HSPA4L: variants seen among roughly 807,000 people sequenced by gnomAD.
HSPA4L encodes the protein heat shock protein family A (Hsp70) member 4 like, also known as heat shock 70 kDa protein 4L.
A neutral mutation model predicts 100.3 loss-of-function variants in HSPA4L; 48 were observed. The ratio of observed to expected loss-of-function variants is 0.48; its 90% CI spans 0.38 to 0.61. HSPA4L has a LOEUF of 0.61. HSPA4L is among the 20% of genes least tolerant of loss of function. The pLI is 0.00. For missense variants in HSPA4L, 886 were observed against 988.6 expected, an observed-to-expected ratio of 0.90 and a Z score of 1.39; for synonymous variants, 319 against 328.2, an observed-to-expected ratio of 0.97 and a Z score of 0.30.
intron 18 of HSPA4L, 109 bp downstream of exon 18, chr4:127,830,908 T>C (rs1274299304): frequency 4.0e-5 from 26 of 657,514 alleles, no homozygotes; most frequent in Non-Finnish European, 5.3e-5. Flanking sequence ...GAACAGAAAT[T>C]TAAGACTAAT....
intron 1 of HSPA4L, among the ~76,000 whole-genome samples, chr4:127,792,767 A>G (rs1732911988): frequency 1.3e-5 from 2 of 152,174 alleles, no homozygotes; most frequent in South Asian, 2.1e-4. Context: ...AGTGTGAGGT[A>G]TGTGTTGGGG....
chr4:127,804,948 A>G (rs1225359254), intron 8 of HSPA4L, 125 bp from the exon 9 acceptor site: 2 of 596,050 alleles, frequency 3.4e-6, no homozygotes, highest in Non-Finnish European at 5.8e-6. Flanking sequence ...TAAAAATTGT[A>G]TTTTTCTTCC....
chr4:127,816,533 C>T (rs1733674352), intron 12 of HSPA4L, among the ~76,000 whole-genome samples: 1 of 151,994 alleles, frequency 6.6e-6, no homozygotes, highest in African/African-American at 2.4e-5. Context: ...AACCTCTTGA[C>T]ATTTTAGTGA....
At chr4:127,782,686 A>G (rs1332613318) in intron 1 of HSPA4L, 29 bp downstream of exon 1, 5 of 1,477,318 alleles carry the variant, frequency 3.4e-6, no homozygotes, top group Non-Finnish European at 4.7e-6. Context: ...CATCACCTCG[A>G]CCCTAAGAAA....
chr4:127,824,865 A>G (rs371908473), intron 16 of HSPA4L, among the ~76,000 whole-genome samples: 13 of 152,316 alleles, frequency 8.5e-5, no homozygotes, highest in Non-Finnish European at 1.5e-4. Context: ...GGCTGGGCGC[A>G]GTGGCTCACG....
chr4:127,782,071 C>T (rs1732567368), upstream of HSPA4L: 1 of 455,578 alleles, frequency 2.2e-6, no homozygotes, highest in South Asian at 1.6e-5. Flanking sequence ...TGTGCCTAGC[C>T]TCCTTTCCCC....
intron 16 of HSPA4L, among the ~76,000 whole-genome samples, chr4:127,825,933 A>C (rs1733939336): frequency 7.5e-6 from 1 of 132,670 alleles, no homozygotes; most frequent in Non-Finnish European, 1.8e-5. Context: ...TCTCAAAAAA[A>C]AAAAAAAAAA....
intron 1 of HSPA4L, chr4:127,783,753 C>CA: frequency 7.5e-7 from 1 of 1,336,738 alleles, no homozygotes; most frequent in Non-Finnish European, 1.0e-6. Flanking sequence ...AAAACAAGGT[C>CA]AGTGTCCAAT....
At chr4:127,796,925 A>G (rs1047825859) in intron 3 of HSPA4L, among the ~76,000 whole-genome samples, 1 of 152,222 alleles carries the variant, frequency 6.6e-6, no homozygotes, top group African/African-American at 2.4e-5. Context: ...TGAATTGTAC[A>G]CTTCAGAAGG....
Position 127,818,439 on chromosome 4 carries a change from G to A in HSPA4L, c.1674+19G>A. Reference sequence around the variant, plus strand: ...AACAAAGGTTTGGTTTACTTTTTCTGTAGTTATGTCTTTTTGAAATTGATA... The same window carrying A: ...AACAAAGGTTTGGTTTACTTTTTCTATAGTTATGTCTTTTTGAAATTGATA... On this transcript the variant is annotated intron_variant, in intron 13 of 18. Coordinates refer to ENST00000296464, the MANE Select transcript of HSPA4L (RefSeq NM_014278.4). 1 of 1,463,752 alleles carries A rather than the reference G, an allele frequency of 6.8e-7. No individual in the cohort carries two copies. Among genetic ancestry groups the A allele is most frequent in the Middle Eastern group, 1.8e-4 (1 of 5,674 alleles). 90.7% of individuals were successfully genotyped at this position (1,463,752 alleles called of 1,614,324 possible). A position where few individuals can be genotyped will look rare whatever the true frequency, so the allele number is the denominator to read the frequency against.
At chr4:127,789,418 G>A (rs75530256) in intron 1 of HSPA4L, among the ~76,000 whole-genome samples, 17,702 of 152,002 alleles carry the variant, frequency 0.12, 1,340 homozygotes, top group South Asian at 0.22. Flanking sequence ...AGGCTGAGGC[G>A]GGCAGATCAC....
chr4:127,795,668 TG>T (rs1732998975), intron 2 of HSPA4L, 99 bp from the exon 3 acceptor site: 1 of 1,055,558 alleles, frequency 9.5e-7, no homozygotes, highest in Admixed American at 2.2e-5. Context: ...TAAACTTGGA[TG>T]TGTAGGATAA....
intron 11 of HSPA4L, among the ~76,000 whole-genome samples, chr4:127,810,264 G>A (rs916765984): frequency 6.6e-6 from 1 of 152,036 alleles, no homozygotes; most frequent in African/African-American, 2.4e-5. Context: ...TTTTTTCTAT[G>A]TACTGCTTTA....
At chr4:127,784,851 C>A (rs1232016543) in intron 1 of HSPA4L, among the ~76,000 whole-genome samples, 1 of 152,222 alleles carries the variant, frequency 6.6e-6, no homozygotes, top group Non-Finnish European at 1.5e-5. Context: ...TATTTAATAA[C>A]ACACATAAAT....
chr4:127,821,866 C>T (rs1733821944), intron 14 of HSPA4L, among the ~76,000 whole-genome samples: 1 of 152,104 alleles, frequency 6.6e-6, no homozygotes, highest in Admixed American at 6.6e-5. Context: ...GATTTTCCTG[C>T]TATCTCAAGA....
chr4:127,837,042 G>C lies in HSPA4L; in HGVS notation c.*4168G>C, dbSNP rs1302448369. The C allele has an allele frequency of 6.6e-6, 1 of 152,090 alleles. No homozygotes were observed. Among genetic ancestry groups the C allele is most frequent in the African/African-American group, 2.4e-5 (1 of 41,406 alleles). The allele number at this position is 152,090 out of a possible 1,614,324, so 9.4% of individuals were successfully genotyped here. A position where few individuals can be genotyped will look rare whatever the true frequency, so the allele number is the denominator to read the frequency against. On this transcript the variant is annotated 3_prime_UTR_variant, in exon 19 of 19. Coordinates refer to ENST00000296464, the MANE Select transcript of HSPA4L (RefSeq NM_014278.4). ...TGCAGCCTCCACCACCTGAGTTCAA[G>C]CGATTTTTCTGCCTCAACCTCTCCT...
intron 15 of HSPA4L, 90 bp downstream of exon 15, chr4:127,822,984 ATGT>A (rs148936064): frequency 0.016 from 21,227 of 1,311,574 alleles, 227 homozygotes; most frequent in Non-Finnish European, 0.019. Context: ...AATGTACCAA[ATGT>A]TGTTATTGTT....
Position 127,820,537 on chromosome 4 carries a change from A to G in HSPA4L, c.1784A>G (p.Asp595Gly), listed in dbSNP as rs532101760. The part of the protein sequence containing the change: ...QSSLCRQLGQ[D>G]LLNSYIENEG... Reference sequence around the variant, plus strand: ...AGCCTATGTAGACAACTAGGCCAAGATCTTCTCAACAGCTACATTGAAAAT... The same window carrying G: ...AGCCTATGTAGACAACTAGGCCAAGGTCTTCTCAACAGCTACATTGAAAAT... The change falls in exon 14 of 19, where the codon GAT becomes GGT. Residue 595 changes from aspartate to glycine, a missense_variant. Transcript: ENST00000296464. The G allele has an allele frequency of 6.2e-6, 10 of 1,602,616 alleles. No individual in the cohort carries two copies. In the East Asian group the frequency reaches 1.1e-4, roughly 18 times the overall value.
At chr4:127,811,388 T>C (rs770504358) in intron 11 of HSPA4L, 49 bp from the exon 12 acceptor site, 2 of 1,358,784 alleles carry the variant, frequency 1.5e-6, no homozygotes, top group East Asian at 4.6e-5. Flanking sequence ...ATGAATTGAA[T>C]AAGTTAATCT....
Sources: allele counts gnomAD v4.1 joint callset (sites outside exome capture counted in the v4.1 genomes callset), GRCh38; gene constraint gnomAD v4.1.1; transcripts MANE v1.5; gene names NCBI Gene and HGNC (gene_info 2026-07-23, HGNC 2026-07-21).